The following NAV2 variants were observed in gnomAD, a reference collection of about 807,000 sequenced individuals.
NAV2 encodes the protein neuron navigator 2.
NAV2 carries 54 observed loss-of-function variants against 223.2 expected under a neutral mutation model. The observed-to-expected ratio is 0.24, with a 90% CI of 0.19 to 0.30. The LOEUF (loss-of-function observed/expected upper bound fraction) is 0.30, where lower values mean the gene tolerates loss of function less well. Ranked by LOEUF, NAV2 falls within the 10% of genes least tolerant of loss-of-function variation. The probability of loss-of-function intolerance (pLI) is 1.00; values close to 1 mark genes in which losing one functional copy is unlikely to be tolerated. For missense variants in NAV2, 2,806 were observed against 3,147.5 expected (o/e 0.89, Z 2.60); for synonymous variants, 1,279 against 1,239.3 (o/e 1.03, Z -0.67).
intron 1 of NAV2, chr11:19,510,967 C>T (rs1437152253): frequency 1.3e-5 from 2 of 152,174 alleles, no homozygotes; most frequent in East Asian, 1.9e-4. Context: ...CATACAGCTT[C>T]GTGATGTACA....
intron 1 of NAV2, among the ~76,000 whole-genome samples, chr11:19,555,718 T>A (rs185439478): frequency 1.5e-3 from 230 of 152,098 alleles, no homozygotes; most frequent in Middle Eastern, 3.4e-3. Context: ...GGGTGTGGGG[T>A]TTGTATGTCC....
At chr11:19,832,139 T>A (rs1209645822) in intron 1 of NAV2, among the ~76,000 whole-genome samples, 3 of 152,204 alleles carry the variant, frequency 2.0e-5, no homozygotes, top group Non-Finnish European at 4.4e-5. Context: ...TGGGGGAGAC[T>A]TTGCTTGCAT....
intron 1 of NAV2, among the ~76,000 whole-genome samples, chr11:19,495,873 T>C (rs2042777994): frequency 6.6e-6 from 1 of 152,104 alleles, no homozygotes; most frequent in Non-Finnish European, 1.5e-5. Context: ...GATAAGGTGA[T>C]GTATAAGCAG....
At chr11:19,572,351 C>A (rs987109147) in intron 1 of NAV2, among the ~76,000 whole-genome samples, 4 of 152,236 alleles carry the variant, frequency 2.6e-5, no homozygotes, top group African/African-American at 9.6e-5. Flanking sequence ...GGGGATATGG[C>A]ATCAGCTTGC....
At chr11:19,471,988 G>A (rs1355388469) in intron 1 of NAV2, among the ~76,000 whole-genome samples, 6 of 152,200 alleles carry the variant, frequency 3.9e-5, no homozygotes, top group South Asian at 2.1e-4. Context: ...AAGGGATAAC[G>A]TGTACTTATC....
intron 1 of NAV2, among the ~76,000 whole-genome samples, chr11:19,684,119 T>A (rs760530324): frequency 3.3e-5 from 5 of 152,216 alleles, no homozygotes; most frequent in Non-Finnish European, 7.3e-5. Context: ...AGTTTCTTCA[T>A]CTGTGAAGTG....
chr11:19,987,306 C>CCCAGGTTTAACCT (rs1268168185), intron 11 of NAV2, among the ~76,000 whole-genome samples: 1 of 152,152 alleles, frequency 6.6e-6, no homozygotes, highest in Non-Finnish European at 1.5e-5. Context: ...ACCTGAAAAT[C>CCCAGGTTTAACCT]GAAGGTCCCA....
upstream of NAV2, among the ~76,000 whole-genome samples, chr11:19,710,057 T>C (rs1230425097): frequency 3.9e-5 from 6 of 152,222 alleles, no homozygotes; most frequent in Non-Finnish European, 8.8e-5. Context: ...TATGCATATT[T>C]GAGGGTCTCA....
chr11:19,424,609 C>T (rs181673907), intron 1 of NAV2, among the ~76,000 whole-genome samples: 239 of 152,220 alleles, frequency 1.6e-3, no homozygotes, highest in African/African-American at 5.6e-3. Context: ...AATGCAGTGG[C>T]GCAATCTCAG....
At chr11:19,397,065 G>A (rs1436178396) in intron 1 of NAV2, among the ~76,000 whole-genome samples, 1 of 152,154 alleles carries the variant, frequency 6.6e-6, no homozygotes, top group African/African-American at 2.4e-5. Context: ...ACGTGGTCTT[G>A]AGTCTGTTCT....
At chr11:19,707,537 C>T (rs1310579500) in intron 1 of NAV2, among the ~76,000 whole-genome samples, 2 of 152,182 alleles carry the variant, frequency 1.3e-5, no homozygotes, top group Admixed American at 6.5e-5. Context: ...GGCAAAAACA[C>T]ATATGGAGCT....
chr11:19,833,976 A>G (rs2060091014), intron 2 of NAV2, among the ~76,000 whole-genome samples: 1 of 152,200 alleles, frequency 6.6e-6, no homozygotes, highest in Admixed American at 6.5e-5. Context: ...AAGTCTGCTA[A>G]CAAGGTAGAA....
intron 29 of NAV2, among the ~76,000 whole-genome samples, chr11:20,095,091 T>C (rs2061153335): frequency 1.3e-5 from 2 of 152,180 alleles, no homozygotes; most frequent in African/African-American, 4.8e-5. Context: ...AAACAATAAA[T>C]GTTATTTAAA....
At chr11:19,420,054 T>C (rs1028659742) in intron 1 of NAV2, among the ~76,000 whole-genome samples, 1 of 152,174 alleles carries the variant, frequency 6.6e-6, no homozygotes, top group African/African-American at 2.4e-5. Context: ...GTCAGTCTAC[T>C]ACGCCCACGT....
At chr11:19,712,820 A>G (rs916024815), upstream of NAV2, among the ~76,000 whole-genome samples, 1 of 151,440 alleles carries the variant, frequency 6.6e-6, no homozygotes, top group Admixed American at 6.6e-5. Flanking sequence ...GCGCCGCAGC[A>G]GCGCCGGCAG....
chr11:19,715,224 C>T (rs1317087739), intron 1 of NAV2, among the ~76,000 whole-genome samples: 3 of 152,208 alleles, frequency 2.0e-5, no homozygotes. Flanking sequence ...GATAAGCATG[C>T]CCCTTGCTGC....
At chr11:19,553,971 G>T (rs2044778395) in intron 1 of NAV2, among the ~76,000 whole-genome samples, 1 of 152,244 alleles carries the variant, frequency 6.6e-6, no homozygotes, top group Non-Finnish European at 1.5e-5. Context: ...TTCACGCCCA[G>T]TAGAAAAAGA....
chr11:20,055,689 CA>C, intron 18 of NAV2, 79 bp from the exon 19 acceptor site: 1 of 1,259,752 alleles, frequency 7.9e-7, no homozygotes, highest in Non-Finnish European at 1.1e-6. Context: ...TAAAAATAAG[CA>C]GTCTTCTCTT....
At chr11:19,725,405 A>G (rs1333742848) in intron 1 of NAV2, among the ~76,000 whole-genome samples, 2 of 152,224 alleles carry the variant, frequency 1.3e-5, no homozygotes, top group African/African-American at 4.8e-5. Context: ...AAGGGAAAGC[A>G]ACTTGTTTAA....
Sources: allele counts gnomAD v4.1 joint callset (sites outside exome capture counted in the v4.1 genomes callset), GRCh38; gene constraint gnomAD v4.1.1; transcripts MANE v1.5; gene names NCBI Gene and HGNC (gene_info 2026-07-23, HGNC 2026-07-21).